The following GRIA4 variants were observed in gnomAD, a reference collection of about 807,000 sequenced individuals.
GRIA4 encodes the protein glutamate ionotropic receptor AMPA type subunit 4.
GRIA4 carries 34 observed loss-of-function variants against 104.0 expected under a neutral mutation model. That is an observed-to-expected ratio of 0.33 (90% confidence interval 0.25 to 0.44). GRIA4 has a LOEUF of 0.44. Ranked by LOEUF, GRIA4 falls within the 20% of genes least tolerant of loss-of-function variation. GRIA4 has a pLI of 1.00. For missense variants in GRIA4, 750 were observed against 1,096.5 expected, an observed-to-expected ratio of 0.68 and a Z score of 4.46; for synonymous variants, 386 against 381.9, an observed-to-expected ratio of 1.01 and a Z score of -0.13.
At chr11:105,676,472 T>C (rs1952540511) in intron 3 of GRIA4, among the ~76,000 whole-genome samples, 1 of 150,494 alleles carries the variant, frequency 6.6e-6, no homozygotes, top group Non-Finnish European at 1.5e-5. Flanking sequence ...AGGAAAAAAG[T>C]TTATTTTGAT....
chr11:105,950,005 A>G (rs965175363), intron 14 of GRIA4, among the ~76,000 whole-genome samples: 1 of 152,242 alleles, frequency 6.6e-6, no homozygotes, highest in African/African-American at 2.4e-5. Flanking sequence ...TGAGGATTCA[A>G]TGAGAATCCT....
chr11:105,876,513 G>T (rs1009989692), intron 5 of GRIA4, among the ~76,000 whole-genome samples: 12 of 152,146 alleles, frequency 7.9e-5, no homozygotes, highest in African/African-American at 2.9e-4. Context: ...TGACAGTGGG[G>T]TGTTAAATTT....
At chr11:105,879,579 A>G (rs541288513) in intron 5 of GRIA4, among the ~76,000 whole-genome samples, 2 of 152,340 alleles carry the variant, frequency 1.3e-5, no homozygotes, top group Admixed American at 1.3e-4. Flanking sequence ...AACCCAGACT[A>G]GGATGCATTA....
At chr11:105,798,987 C>T (rs1456446335) in intron 4 of GRIA4, among the ~76,000 whole-genome samples, 1 of 151,936 alleles carries the variant, frequency 6.6e-6, no homozygotes, top group African/African-American at 2.4e-5. Context: ...TTAACTCATC[C>T]CCAGAGAGTG....
At chr11:105,809,815 T>C (rs562869867) in intron 4 of GRIA4, among the ~76,000 whole-genome samples, 38 of 152,236 alleles carry the variant, frequency 2.5e-4, no homozygotes, top group Admixed American at 9.2e-4. Context: ...AATGGACTAG[T>C]ACAGCTACCA....
chr11:105,649,950 T>C (rs369446390), intron 3 of GRIA4, among the ~76,000 whole-genome samples: 6 of 152,114 alleles, frequency 3.9e-5, no homozygotes, highest in African/African-American at 1.4e-4. Context: ...AAATGATGCT[T>C]ACAATTTTGA....
intron 4 of GRIA4, among the ~76,000 whole-genome samples, chr11:105,841,655 C>T (rs902262964): frequency 2.0e-5 from 3 of 152,076 alleles, no homozygotes; most frequent in African/African-American, 7.2e-5. Flanking sequence ...AGGTTTTGTA[C>T]ATTTTCTTGT....
intron 3 of GRIA4, among the ~76,000 whole-genome samples, chr11:105,663,762 G>T (rs985791168): frequency 6.6e-6 from 1 of 151,700 alleles, no homozygotes; most frequent in Non-Finnish European, 1.5e-5. Flanking sequence ...TGGAAAGTAG[G>T]GTCCATTTCG....
intron 5 of GRIA4, among the ~76,000 whole-genome samples, chr11:105,882,083 C>T (rs1478896688): frequency 1.3e-5 from 2 of 152,088 alleles, no homozygotes; most frequent in Non-Finnish European, 1.5e-5. Flanking sequence ...ATTTGGGGAA[C>T]ATTTGGGAGT....
chr11:105,620,739 T>A (rs1352697562), intron 3 of GRIA4, among the ~76,000 whole-genome samples: 1 of 151,902 alleles, frequency 6.6e-6, no homozygotes, highest in Non-Finnish European at 1.5e-5. Flanking sequence ...ACTAAATGAC[T>A]CTTTTAACTG....
At chr11:105,801,682 C>T (rs1368759986) in intron 4 of GRIA4, among the ~76,000 whole-genome samples, 3 of 152,016 alleles carry the variant, frequency 2.0e-5, no homozygotes, top group Non-Finnish European at 4.4e-5. Context: ...AAGTACTATG[C>T]TCATTGTTGG....
At chr11:105,939,783 T>C (rs1948137646) in intron 14 of GRIA4, among the ~76,000 whole-genome samples, 1 of 152,216 alleles carries the variant, frequency 6.6e-6, no homozygotes, top group South Asian at 2.1e-4. Flanking sequence ...AAGTGACATA[T>C]TCGCTATTGT....
chr11:105,676,450 A>T (rs1290590896), intron 3 of GRIA4, among the ~76,000 whole-genome samples: 1 of 151,706 alleles, frequency 6.6e-6, no homozygotes, highest in Non-Finnish European at 1.5e-5. Context: ...ACTCTGCAAC[A>T]TTTGAAGGAC....
intron 4 of GRIA4, among the ~76,000 whole-genome samples, chr11:105,785,391 AGG>A (rs1941915339): frequency 6.6e-6 from 1 of 152,210 alleles, no homozygotes; most frequent in African/African-American, 2.4e-5. Flanking sequence ...CTATTAAATG[AGG>A]AATAAGCAAG....
chr11:105,781,077 G>A (rs904360430), intron 4 of GRIA4, among the ~76,000 whole-genome samples: 2 of 152,068 alleles, frequency 1.3e-5, no homozygotes, highest in Admixed American at 1.3e-4. Flanking sequence ...TTTTAAATTA[G>A]TTTCAAAACT....
chr11:105,887,380 A>G (rs1462232300), intron 5 of GRIA4, 139 bp from the exon 6 acceptor site: 1 of 493,912 alleles, frequency 2.0e-6, no homozygotes, highest in Non-Finnish European at 3.6e-6. Context: ...TAACTATAGT[A>G]CGTGACTTTT....
chr11:105,852,873 C>A (rs935892192), intron 4 of GRIA4, among the ~76,000 whole-genome samples: 2 of 132,626 alleles, frequency 1.5e-5, no homozygotes, highest in South Asian at 2.3e-4. Context: ...AAAGAAAAGA[C>A]GAAAGTAACA....
At chr11:105,709,668 T>G (rs541898554) in intron 3 of GRIA4, among the ~76,000 whole-genome samples, 1 of 151,896 alleles carries the variant, frequency 6.6e-6, no homozygotes, top group Admixed American at 6.6e-5. Flanking sequence ...TTCTGCCACA[T>G]GCAAAAACAT....
At chr11:105,806,946 C>T (rs1303338478) in intron 4 of GRIA4, among the ~76,000 whole-genome samples, 1 of 151,274 alleles carries the variant, frequency 6.6e-6, no homozygotes, top group Non-Finnish European at 1.5e-5. Flanking sequence ...AAACTAAAGA[C>T]AAAGGAAATA....
Sources: gnomAD v4.1 joint callset for allele counts (sites outside exome capture counted in the v4.1 genomes callset) on GRCh38, gnomAD v4.1.1 for gene constraint, MANE v1.5 for transcripts, NCBI Gene and HGNC (gene_info 2026-07-23, HGNC 2026-07-21) for gene names.